TRIM10: variants seen among roughly 807,000 people sequenced by gnomAD.
TRIM10 encodes the protein tripartite motif containing 10, also known as tripartite motif-containing protein 10.
Under a neutral mutation model 40.0 loss-of-function variants are expected in TRIM10, and 42 were observed. The observed-to-expected ratio is 1.05, with a 90% CI of 0.82 to 1.36. TRIM10 has a LOEUF of 1.36. Ranked by LOEUF, TRIM10 falls within the 40% of genes most tolerant of loss-of-function variation. TRIM10 has a pLI of 0.00. For missense variants in TRIM10, 601 were observed against 608.3 expected (o/e 0.99, Z 0.13); for synonymous variants, 260 against 239.5 (o/e 1.09, Z -0.79).
In TRIM10 at chr6:30,154,456, TG is replaced by T; in HGVS notation, c.958del (p.His320ThrfsTer50). On this transcript the variant is annotated frameshift_variant, in exon 7 of 7. Coordinates refer to ENST00000449742, the MANE Select transcript of TRIM10 (RefSeq NM_006778.4). LOFTEE classifies it low-confidence loss of function (END_TRUNC). ...AHISLDPQTS[H>X]PKLLLSEDHQ... is the part of the protein sequence containing the mutation. Reference sequence around the variant, plus strand: ...GTCCTCGGACAAGAGGAGCTTGGGGTGGGAAGTCTGAGGGTCTAGAGAAATG... The same window carrying T: ...GTCCTCGGACAAGAGGAGCTTGGGGTGGAAGTCTGAGGGTCTAGAGAAATG... 1 of 1,612,074 alleles carries T rather than the reference TG, an allele frequency of 6.2e-7. No individual in the cohort carries two copies.
intron 1 of TRIM10, among the ~76,000 whole-genome samples, chr6:30,160,097 A>C (rs1204612585): frequency 6.6e-6 from 1 of 152,210 alleles, no homozygotes; most frequent in African/African-American, 2.4e-5. Flanking sequence ...ACATTAACAC[A>C]TATACACACT....
rs756583960 is a variant in TRIM10, at chr6:30,160,651, G to A, written c.208C>T (p.Arg70Trp). The A allele has an allele frequency of 2.1e-5, 34 of 1,614,120 alleles. No individual in the cohort carries two copies. Among genetic ancestry groups the A allele is most frequent in the East Asian group, 4.5e-5 (2 of 44,898 alleles). The change falls in exon 1 of 7, where the codon CGG becomes TGG. Residue 70 changes from arginine (R) to tryptophan (W), a missense_variant. Transcript: ENST00000449742. Reference sequence around the variant, plus strand: ...ACGTTAGCCAGCTGCCAGTTGGGCCGGAAGCTCCCAGGACGGAAGGGTTCT... The same window carrying A: ...ACGTTAGCCAGCTGCCAGTTGGGCCAGAAGCTCCCAGGACGGAAGGGTTCT... ...CKEPFRPGSF[R>W]PNWQLANVVE...
chr6:30,156,500 G>C (rs779474678), intron 5 of TRIM10, among the ~76,000 whole-genome samples: 2 of 152,142 alleles, frequency 1.3e-5, no homozygotes, highest in Non-Finnish European at 2.9e-5. Flanking sequence ...CTAACAGAAA[G>C]AAAGTGAGAA....
At chr6:30,155,635 A>G (rs2127438642) in intron 6 of TRIM10, 92 bp downstream of exon 6, 5 of 1,122,502 alleles carry the variant, frequency 4.5e-6, no homozygotes, top group Non-Finnish European at 6.6e-6. Context: ...CTATTGTCAT[A>G]GTCATAACAT....
intron 5 of TRIM10, among the ~76,000 whole-genome samples, chr6:30,156,218 G>C (rs1257190279): frequency 6.6e-6 from 1 of 152,222 alleles, no homozygotes; most frequent in African/African-American, 2.4e-5. Context: ...TTTGATTAGA[G>C]TGAAATTTCC....
chr6:30,154,511 G>A, intron 6 of TRIM10, 25 bp from the exon 7 acceptor site: 8 of 1,602,714 alleles, frequency 5.0e-6, no homozygotes, highest in Non-Finnish European at 6.8e-6. Flanking sequence ...AAAAGGGACA[G>A]ATGTCAGCAG....
Position 30,158,639 on chromosome 6 carries a change from C to G in TRIM10, c.526-10G>C. 1 of 1,611,150 alleles carries G rather than the reference C, an allele frequency of 6.2e-7. No individual in the cohort carries two copies. Among genetic ancestry groups the G allele is most frequent in the Non-Finnish European group, 8.5e-7 (1 of 1,178,346 alleles). The stretch of plus-strand genomic sequence containing the variant: ...TGGTGGACACCTGAGTCTGAGGGGG[C>G]AGGAGGCAAGCCCAAGAGAAAGTTT... On this transcript the variant is annotated splice_polypyrimidine_tract_variant and intron_variant, in intron 2 of 6. Transcript: ENST00000449742.
At chr6:30,163,727 G>T (rs1773335491), upstream of TRIM10, 2 of 1,612,850 alleles carry the variant, frequency 1.2e-6, no homozygotes, top group Middle Eastern at 1.7e-4. Context: ...TGAGCTGCCT[G>T]CCTGTACCCT....
Position 30,154,392 on chromosome 6 carries a change from T to G in TRIM10, c.1023A>C (p.Ser341=), listed in dbSNP as rs1478075893. Residue 341 remains serine (S), a synonymous_variant, in exon 7 of 7, where the codon TCA becomes TCC. Transcript: ENST00000449742. The stretch of plus-strand genomic sequence containing the variant: ...GGTCAAAACGTTGGGGGTTGTCTGG[T>G]GAGTTCTGCCATTTGTAGGAGAACT... The part of the protein sequence containing the change: ...RAQFSYKWQN[S]PDNPQRFDRA... 3.7e-6 allele frequency: 6 copies of G among 1,612,964 alleles called. No homozygotes were observed. Among genetic ancestry groups the G allele is most frequent in the Non-Finnish European group, 5.1e-6 (6 of 1,179,964 alleles).
At position 30,160,452 on chromosome 6, in the gene TRIM10, T is replaced by C; in HGVS notation, c.407A>G (p.Glu136Gly). ...EHATHTMRFL[E>G]DAAAPYREQI... ...TACCCTATAGGGAGCCGCTGCATCC[T>C]CCAGGAAGCGCATGGTGTGGGTAGC... Residue 136 changes from glutamate (E) to glycine (G), a missense_variant, in exon 1 of 7, where the codon GAG becomes GGG. Coordinates refer to ENST00000449742, the MANE Select transcript of TRIM10 (RefSeq NM_006778.4). The C allele has an allele frequency of 6.2e-7, 1 of 1,614,026 alleles. No homozygotes were observed. The highest frequency in any genetic ancestry group is 1.1e-5 in the South Asian group (1 of 91,078).
chr6:30,157,214 A>G (rs1328170167), intron 4 of TRIM10, among the ~76,000 whole-genome samples, 155 bp downstream of exon 4: 1 of 152,210 alleles, frequency 6.6e-6, no homozygotes, highest in Non-Finnish European at 1.5e-5. Flanking sequence ...GCATCTATGG[A>G]TATACCTGAG....
upstream of TRIM10, chr6:30,163,993 G>C: frequency 6.2e-7 from 1 of 1,613,146 alleles, no homozygotes. Context: ...TCCTCTGTGT[G>C]TTCTGCAGGG....
chr6:30,157,760 C>G (rs1967), intron 3 of TRIM10, among the ~76,000 whole-genome samples: 1 of 149,960 alleles, frequency 6.7e-6, no homozygotes, highest in African/African-American at 2.5e-5. Flanking sequence ...TATTTCTAGC[C>G]CTGGACAGGA....
intron 5 of TRIM10, among the ~76,000 whole-genome samples, chr6:30,156,416 C>A (rs553159572): frequency 1.1e-4 from 16 of 152,196 alleles, no homozygotes; most frequent in Non-Finnish European, 2.2e-4. Flanking sequence ...CTCCCCCACA[C>A]CCTACCACCA....
chr6:30,154,701 A>G lies in TRIM10; in HGVS notation c.929-215T>C, dbSNP rs1240265410. The G allele has an allele frequency of 5.5e-6, 4 of 723,706 alleles. 1 individual carries two copies. The South Asian group carries it at 6.0e-5, about 11-fold the overall frequency. 44.8% of individuals were successfully genotyped at this position (723,706 alleles called of 1,614,324 possible). A position where few individuals can be genotyped will look rare whatever the true frequency, so the allele number is the denominator to read the frequency against. ...AACAAGATGCCCAGGTGATTTGCAC[A>G]CAGGTAAAGCCTGAAAAGCCTGCCT... is the stretch of plus-strand genomic sequence containing the variant. On this transcript the variant is annotated intron_variant, in intron 6 of 6. Transcript: ENST00000449742.
At chr6:30,163,609 T>A (rs1181860849), upstream of TRIM10, 4 of 1,506,050 alleles carry the variant, frequency 2.7e-6, no homozygotes, top group African/African-American at 4.2e-5. Context: ...TTCATGTAAG[T>A]GTGACTCGAT....
chr6:30,159,136 G>T lies in TRIM10; in HGVS notation c.525+14C>A. On this transcript the variant is annotated intron_variant, in intron 2 of 6. Transcript: ENST00000449742. ...GAGGAAGGGGAGGAACCTGGGGAAG[G>T]GGTGATGACTTACCAGGAGGACTTG... 2 of 1,566,600 alleles carry T rather than the reference G, an allele frequency of 1.3e-6. No individual in the cohort carries two copies. The highest frequency in any genetic ancestry group is 1.8e-6 in the Non-Finnish European group (2 of 1,137,810).
intron 6 of TRIM10, 113 bp downstream of exon 6, chr6:30,155,614 G>T: frequency 1.1e-6 from 1 of 879,940 alleles, no homozygotes; most frequent in Non-Finnish European, 1.8e-6. Flanking sequence ...ATCCATGGGT[G>T]TTTGTTATGA....
rs774908475 is a variant in TRIM10 at position 30,154,366 on chromosome 6, C to T, written c.1049G>A (p.Arg350Gln). The change falls in exon 7 of 7, where the codon CGG becomes CAG. Residue 350 changes from arginine to glutamine, a missense_variant. Coordinates refer to ENST00000449742, the MANE Select transcript of TRIM10 (RefSeq NM_006778.4). ...NSPDNPQRFD[R>Q]ATCVLAHTGI... ...AGTGTGGGCCAGAACACAGGTGGCCCGGTCAAAACGTTGGGGGTTGTCTGG... is the reference window on the plus strand; with the variant it reads ...AGTGTGGGCCAGAACACAGGTGGCCTGGTCAAAACGTTGGGGGTTGTCTGG... 16 of 1,612,930 alleles carry T rather than the reference C, an allele frequency of 9.9e-6. No individual in the cohort carries two copies. Among genetic ancestry groups the T allele is most frequent in the African/African-American group, 6.7e-5 (5 of 74,920 alleles).
Sources: gnomAD v4.1 joint callset for allele counts (sites outside exome capture counted in the v4.1 genomes callset) on GRCh38, gnomAD v4.1.1 for gene constraint, MANE v1.5 for transcripts, NCBI Gene and HGNC (gene_info 2026-07-23, HGNC 2026-07-21) for gene names.